Variants in PLB1 observed in about 807,000 individuals in gnomAD.
PLB1 encodes phospholipase B1, membrane-associated.
A neutral mutation model predicts 227.4 loss-of-function variants in PLB1; 242 were observed. That is an observed-to-expected ratio of 1.06 (90% CI 0.96 to 1.18). The LOEUF is 1.18. Among genes scored for constraint, PLB1 ranks in the 50% most tolerant of loss-of-function variants. The pLI is 0.00. For synonymous variants in PLB1, 757 were observed against 682.2 expected (o/e 1.11, Z -1.71); for missense variants, 1,858 against 1,816.3 (o/e 1.02, Z -0.42).
chr2:28,505,920 A>G (rs968754982), intron 1 of PLB1, among the ~76,000 whole-genome samples: 1 of 151,762 alleles, frequency 6.6e-6, no homozygotes, highest in Non-Finnish European at 1.5e-5. Context: ...CCCATCCCCA[A>G]CCCTCACTTC....
Position 28,518,451 on chromosome 2 carries a change from C to A in PLB1, c.118-15C>A, listed in dbSNP as rs758076869. The stretch of plus-strand genomic sequence containing the variant: ...CAAGGCAGTTGATGTTTCTGATGTT[C>A]GTTTTCAATTGCAGACCCTGAAGAA... On this transcript the variant is annotated splice_polypyrimidine_tract_variant and intron_variant, in intron 2 of 57. Transcript: ENST00000327757. The A allele has an allele frequency of 1.3e-6, 2 of 1,599,270 alleles. No homozygotes were observed. The highest frequency in any genetic ancestry group is 1.1e-5 in the South Asian group (1 of 90,688).
intron 14 of PLB1, among the ~76,000 whole-genome samples, chr2:28,546,317 G>A (rs1673257460): frequency 6.6e-6 from 1 of 151,842 alleles, no homozygotes; most frequent in Admixed American, 6.6e-5. Context: ...AGCAATCACT[G>A]ACCCCACCTT....
chr2:28,603,810 G>A (rs182103285), intron 39 of PLB1, among the ~76,000 whole-genome samples, 156 bp from the exon 40 acceptor site: 2,013 of 152,272 alleles, frequency 0.013, 22 homozygotes, highest in Non-Finnish European at 0.02. Context: ...CCTGAAGCCT[G>A]CCCCTGAGCA....
chr2:28,571,013 A>G (rs2148252245), intron 20 of PLB1, among the ~76,000 whole-genome samples: 1 of 152,352 alleles, frequency 6.6e-6, no homozygotes. Context: ...TGAAAGAACA[A>G]GTACCAAGAT....
chr2:28,534,010 C>A (rs1257112666), intron 9 of PLB1, among the ~76,000 whole-genome samples: 2 of 152,202 alleles, frequency 1.3e-5, no homozygotes, highest in Non-Finnish European at 2.9e-5. Context: ...TCTTTGCAAA[C>A]CTCTTACATA....
intron 13 of PLB1, among the ~76,000 whole-genome samples, chr2:28,542,041 G>A (rs1672571687): frequency 6.6e-6 from 1 of 151,750 alleles, no homozygotes; most frequent in South Asian, 2.1e-4. Flanking sequence ...GCTGAGGCAT[G>A]AGAATCGCTT....
intron 43 of PLB1, among the ~76,000 whole-genome samples, chr2:28,611,879 G>A (rs1054123090): frequency 1.6e-4 from 25 of 152,054 alleles, no homozygotes; most frequent in African/African-American, 4.6e-4. Flanking sequence ...AGTGGCTCAC[G>A]TCTGTAACCC....
chr2:28,561,817 G>A (rs967882385), intron 17 of PLB1, among the ~76,000 whole-genome samples: 2 of 152,194 alleles, frequency 1.3e-5, no homozygotes, highest in Non-Finnish European at 2.9e-5. Context: ...GAGCCCGGGA[G>A]GTCGAGGCTG....
At chr2:28,581,714 T>C (rs1033514399) in intron 23 of PLB1, among the ~76,000 whole-genome samples, 1 of 151,800 alleles carries the variant, frequency 6.6e-6, no homozygotes. Context: ...ATACCTGTAA[T>C]CCCAGCACTT....
rs1047263740 is a variant in PLB1, at chr2:28,583,730, T to G, written c.1733+1225T>G. 1.3e-5 allele frequency among the ~76,000 whole-genome samples: 2 copies of G among 152,118 alleles called. 1 individual carries two copies. The highest frequency in any genetic ancestry group is 2.9e-5 in the Non-Finnish European group (2 of 68,030). On this transcript the variant is annotated intron_variant, in intron 25 of 57. Transcript: ENST00000327757. ...CAGGCCGGATGCTCCAACAACAGGT[T>G]CCCCATAATGGCTCATGTGGGGCTA...
chr2:28,502,375 A>G (rs532646870), intron 1 of PLB1, among the ~76,000 whole-genome samples: 7 of 152,208 alleles, frequency 4.6e-5, no homozygotes, highest in African/African-American at 1.7e-4. Flanking sequence ...GTGTGTTCAT[A>G]TTAAGGAAAT....
chr2:28,637,717 A>C (rs11691738), intron 56 of PLB1, among the ~76,000 whole-genome samples: 73,533 of 152,044 alleles, frequency 0.48, 18,538 homozygotes, highest in African/African-American at 0.65. Flanking sequence ...CTGTGGTGTT[A>C]CACACCTCTG....
chr2:28,506,901 C>G (rs543714296), intron 1 of PLB1, among the ~76,000 whole-genome samples: 1 of 152,296 alleles, frequency 6.6e-6, no homozygotes, highest in Admixed American at 6.5e-5. Context: ...TATTGCATCT[C>G]TGAGAATGAG....
intron 17 of PLB1, among the ~76,000 whole-genome samples, chr2:28,559,937 A>C (rs1293906729): frequency 6.6e-6 from 1 of 151,818 alleles, no homozygotes; most frequent in Non-Finnish European, 1.5e-5. Context: ...TTTTTAGTAG[A>C]GACGGGGTTT....
intron 50 of PLB1, among the ~76,000 whole-genome samples, chr2:28,626,034 C>T (rs1240039778): frequency 2.2e-4 from 33 of 150,276 alleles, no homozygotes; most frequent in Admixed American, 9.3e-4. Context: ...CTCGCTCTGT[C>T]ACCCAGGCTG....
In PLB1 at chr2:28,620,331, A is replaced by G. The variant is rs1433539489; in HGVS notation, c.3382A>G (p.Ser1128Gly). The G allele has an allele frequency of 5.6e-6, 9 of 1,600,034 alleles. No homozygotes were observed. In the East Asian group the frequency reaches 1.8e-4, roughly 32 times the overall value. ...CACATCTTGGAGGGGACTCTCTTGG[A>G]GGTGAGGATGTTCTTGATGCATGCT... ...LPTSWRGLSW[S>G]IGGDGNLETH... The change falls in exon 47 of 58, where the codon AGC becomes GGC. Residue 1128 changes from serine to glycine, a missense_variant and splice_region_variant. Transcript: ENST00000327757.
At chr2:28,640,020 C>T (rs1321234349) in intron 56 of PLB1, among the ~76,000 whole-genome samples, 1 of 152,220 alleles carries the variant, frequency 6.6e-6, no homozygotes, top group Non-Finnish European at 1.5e-5. Flanking sequence ...GAACTGCCCT[C>T]CCTCCTCCAA....
chr2:28,626,797 A>G (rs1186748305), intron 51 of PLB1, among the ~76,000 whole-genome samples: 2 of 152,128 alleles, frequency 1.3e-5, no homozygotes, highest in Non-Finnish European at 2.9e-5. Flanking sequence ...TATCCACACA[A>G]ATATGACCTC....
chr2:28,576,691 T>C (rs1355369694), intron 21 of PLB1, among the ~76,000 whole-genome samples: 1 of 152,146 alleles, frequency 6.6e-6, no homozygotes, highest in Non-Finnish European at 1.5e-5. Context: ...GATCACGCCA[T>C]TGCACTACAA....
Sources: allele counts gnomAD v4.1 joint callset (sites outside exome capture counted in the v4.1 genomes callset), GRCh38; gene constraint gnomAD v4.1.1; transcripts MANE v1.5; gene names NCBI Gene and HGNC (gene_info 2026-07-23, HGNC 2026-07-21).